Variants in SUGCT observed in about 807,000 individuals in gnomAD.
The protein encoded by SUGCT is succinyl-CoA:glutarate CoA-transferase.
A neutral mutation model predicts 55.0 loss-of-function variants in SUGCT; 41 were observed. The observed-to-expected ratio is 0.74, with a 90% CI of 0.58 to 0.97. The LOEUF (loss-of-function observed/expected upper bound fraction) is 0.97. SUGCT is among the 50% of genes least tolerant of loss of function. SUGCT has a pLI of 0.00. For synonymous variants in SUGCT, 187 were observed against 200.4 expected (o/e 0.93, Z 0.56); for missense variants, 568 against 547.8 (o/e 1.04, Z -0.37).
At chr7:40,587,508 T>A (rs2151725582) in intron 12 of SUGCT, among the ~76,000 whole-genome samples, 1 of 152,356 alleles carries the variant, frequency 6.6e-6, no homozygotes, top group African/African-American at 2.4e-5. Context: ...TAAAAATTCA[T>A]AAAAGTGATG....
chr7:40,182,133 G>T (rs1297603131), intron 3 of SUGCT, 105 bp downstream of exon 3: 17 of 639,352 alleles, frequency 2.7e-5, no homozygotes, highest in Non-Finnish European at 3.8e-5. Flanking sequence ...GATAAGGAGA[G>T]AATTAAAATG....
At position 40,291,428 on chromosome 7, in the gene SUGCT, T is replaced by A. The variant is rs535701490; in HGVS notation, c.720+16772T>A. Among the ~76,000 whole-genome samples the A allele has an allele frequency of 1.6e-4, 23 of 143,650 alleles. No individual in the cohort carries two copies. In the South Asian group the frequency reaches 2.7e-3, roughly 17 times the overall value. The allele number at this position is 143,650 out of a possible 152,430, so 94.2% of individuals were successfully genotyped here. ...GGACAAAAAACCAGACACCACATGT[T>A]CTCACTCATAGGTGGGAATTGAACA... On this transcript the variant is annotated intron_variant, in intron 8 of 13. Coordinates refer to ENST00000335693, the MANE Select transcript of SUGCT (RefSeq NM_001193313.2).
intron 1 of SUGCT, among the ~76,000 whole-genome samples, chr7:40,169,615 T>A (rs1330823759): frequency 1.3e-5 from 2 of 152,184 alleles, no homozygotes; most frequent in Admixed American, 6.5e-5. Flanking sequence ...TCGGACAATC[T>A]TTTTTAAAAT....
At chr7:40,915,867 C>G in the SUGCT span, among the ~76,000 whole-genome samples, 3 of 152,124 alleles carry the variant, frequency 2.0e-5, no homozygotes, top group Non-Finnish European at 4.4e-5. Context: ...CCCATCGCAC[C>G]CTGTTTTTTT....
intron 7 of SUGCT, among the ~76,000 whole-genome samples, chr7:40,259,527 A>G (rs1228228897): frequency 6.6e-6 from 1 of 152,230 alleles, no homozygotes; most frequent in Admixed American, 6.5e-5. Context: ...GAGCCATTCT[A>G]CAATGTGCAT....
chr7:40,537,537 CTT>C (rs994330264), intron 12 of SUGCT, among the ~76,000 whole-genome samples: 2 of 152,080 alleles, frequency 1.3e-5, no homozygotes, highest in Non-Finnish European at 2.9e-5. Flanking sequence ...ACATTAGAAT[CTT>C]AAATGCAGAT....
At chr7:41,029,164 C>T in the SUGCT span, among the ~76,000 whole-genome samples, 33 of 152,268 alleles carry the variant, frequency 2.2e-4, no homozygotes, top group African/African-American at 6.7e-4. Context: ...ACATGCAGTG[C>T]GATGACCTGA....
intron 12 of SUGCT, among the ~76,000 whole-genome samples, chr7:40,621,678 C>A (rs1331990710): frequency 6.6e-6 from 1 of 152,068 alleles, no homozygotes; most frequent in African/African-American, 2.4e-5. Context: ...AGGTAACAGG[C>A]AAGAGAAAAT....
At chr7:40,995,227 T>C in the SUGCT span, among the ~76,000 whole-genome samples, 1 of 152,030 alleles carries the variant, frequency 6.6e-6, no homozygotes, top group Non-Finnish European at 1.5e-5. Context: ...AATGACTCTT[T>C]CATTTAGCCA....
chr7:40,136,684 T>A (rs914999514), intron 1 of SUGCT, among the ~76,000 whole-genome samples: 3 of 152,202 alleles, frequency 2.0e-5, no homozygotes, highest in Admixed American at 2.0e-4. Flanking sequence ...AAAATTCACC[T>A]TTCTGGACAT....
intron 8 of SUGCT, among the ~76,000 whole-genome samples, chr7:40,281,896 C>G (rs181824587): frequency 6.6e-6 from 1 of 152,138 alleles, no homozygotes; most frequent in African/African-American, 2.4e-5. Context: ...ATCTCACTCA[C>G]TGCAACCTCT....
At chr7:40,356,543 C>T (rs1386403682) in intron 9 of SUGCT, among the ~76,000 whole-genome samples, 2 of 152,242 alleles carry the variant, frequency 1.3e-5, no homozygotes, top group Non-Finnish European at 2.9e-5. Context: ...CTGGCTAAGC[C>T]TATCAGAGCA....
intron 9 of SUGCT, among the ~76,000 whole-genome samples, chr7:40,397,821 T>A (rs1785823894): frequency 6.6e-6 from 1 of 152,198 alleles, no homozygotes; most frequent in African/African-American, 2.4e-5. Context: ...TAACTGATGC[T>A]ATTGATGGTC....
chr7:40,289,793 C>G (rs1793616545), intron 8 of SUGCT, among the ~76,000 whole-genome samples: 1 of 152,136 alleles, frequency 6.6e-6, no homozygotes, highest in East Asian at 1.9e-4. Context: ...AGCTGATAAG[C>G]TACTTCAGCA....
intron 10 of SUGCT, among the ~76,000 whole-genome samples, chr7:40,452,602 G>A (rs1327551034): frequency 6.6e-6 from 1 of 152,132 alleles, no homozygotes; most frequent in Non-Finnish European, 1.5e-5. Flanking sequence ...ATTGGTAGGT[G>A]AACTCTGTCA....
At chr7:40,927,904 G>A in the SUGCT span, among the ~76,000 whole-genome samples, 1 of 152,042 alleles carries the variant, frequency 6.6e-6, no homozygotes, top group Non-Finnish European at 1.5e-5. Flanking sequence ...TCATACATGA[G>A]AGTTTAGGTA....
intron 11 of SUGCT, among the ~76,000 whole-genome samples, chr7:40,477,587 T>C (rs1356045858): frequency 1.3e-5 from 2 of 152,228 alleles, no homozygotes; most frequent in African/African-American, 4.8e-5. Flanking sequence ...TGTTGGTGTA[T>C]TATGTACAGT....
At chr7:40,162,160 C>A (rs1406502985) in intron 1 of SUGCT, among the ~76,000 whole-genome samples, 1 of 152,058 alleles carries the variant, frequency 6.6e-6, no homozygotes, top group Non-Finnish European at 1.5e-5. Flanking sequence ...CCTCCCAAAG[C>A]TCTGGGATTA....
chr7:40,683,536 G>T (rs1395484020), intron 12 of SUGCT, among the ~76,000 whole-genome samples: 1 of 152,174 alleles, frequency 6.6e-6, no homozygotes, highest in African/African-American at 2.4e-5. Context: ...TTGGTTGTTT[G>T]AAGTTCCCTT....
Sources: allele counts gnomAD v4.1 joint callset (sites outside exome capture counted in the v4.1 genomes callset), GRCh38; gene constraint gnomAD v4.1.1; transcripts MANE v1.5; gene names NCBI Gene and HGNC (gene_info 2026-07-23, HGNC 2026-07-21).